The following OPRM1 variants were observed in gnomAD, a reference collection of about 807,000 sequenced individuals.
OPRM1 encodes mu-type opioid receptor.
A neutral mutation model predicts 31.8 loss-of-function variants in OPRM1; 27 were observed. The ratio of observed to expected loss-of-function variants is 0.85; its 90% CI spans 0.63 to 1.17. The LOEUF is 1.17. OPRM1 is among the 50% of genes most tolerant of loss of function. The pLI, the probability that OPRM1 is intolerant of heterozygous loss-of-function variation, is 0.00. For missense variants in OPRM1, 536 were observed against 511.1 expected (o/e 1.05, Z -0.47); for synonymous variants, 196 against 189.9 (o/e 1.03, Z -0.26).
At chr6:154,143,959 C>T (rs913701855) in intron 3 of OPRM1, among the ~76,000 whole-genome samples, 2 of 152,104 alleles carry the variant, frequency 1.3e-5, no homozygotes, top group Admixed American at 1.3e-4. Flanking sequence ...AGAAAGGACA[C>T]AAATTACCAA....
intron 3 of OPRM1, among the ~76,000 whole-genome samples, chr6:154,184,699 G>A (rs533449222): frequency 1.3e-5 from 2 of 151,956 alleles, no homozygotes; most frequent in East Asian, 3.9e-4. Context: ...ATGAATGAAT[G>A]GTAATTTTAG....
chr6:154,068,130 C>T (rs939309936), intron 1 of OPRM1, among the ~76,000 whole-genome samples: 8 of 152,100 alleles, frequency 5.3e-5, no homozygotes, highest in Admixed American at 3.3e-4. Flanking sequence ...AACAAGTAAT[C>T]GATGTAAATT....
At chr6:154,079,254 G>C (rs770925384) in intron 1 of OPRM1, among the ~76,000 whole-genome samples, 4 of 152,220 alleles carry the variant, frequency 2.6e-5, no homozygotes, top group Non-Finnish European at 5.9e-5. Flanking sequence ...GAGGGGAGTA[G>C]AAATCTGGCC....
Position 154,168,170 on chromosome 6 carries a change from A to C in OPRM1, c.1164+76698A>C. 2 of 1,348,930 alleles carry C rather than the reference A, an allele frequency of 1.5e-6. No individual in the cohort carries two copies. Among genetic ancestry groups the C allele is most frequent in the Non-Finnish European group, 2.0e-6 (2 of 987,400 alleles). The allele number at this position is 1,348,930 out of a possible 1,614,324, so 83.6% of individuals were successfully genotyped here. A position where few individuals can be genotyped will look rare whatever the true frequency, so the allele number is the denominator to read the frequency against. On this transcript the variant is annotated intron_variant, in intron 3 of 3. Transcript: ENST00000337049. The surrounding 1 kb of genome is among the most constrained non-coding windows in gnomAD (Gnocchi z 4.1). ...ATAAACCCAGTGAAAAATCAAGGAG[A>C]GAACATTCAATACTGTGGTCCCAAG...
At chr6:154,065,381 C>T (rs1177407718) in intron 1 of OPRM1, among the ~76,000 whole-genome samples, 2 of 152,124 alleles carry the variant, frequency 1.3e-5, no homozygotes, top group Non-Finnish European at 2.9e-5. Context: ...ATCTCTTGAC[C>T]TTGTGACCCA....
intron 3 of OPRM1, among the ~76,000 whole-genome samples, chr6:154,094,779 C>T (rs569504342): frequency 6.6e-6 from 1 of 152,292 alleles, no homozygotes; most frequent in East Asian, 1.9e-4. Flanking sequence ...ATCCTGCCAA[C>T]CTAGATTCAA....
intron 3 of OPRM1, among the ~76,000 whole-genome samples, chr6:154,185,533 T>C (rs1171325993): frequency 6.6e-6 from 1 of 152,216 alleles, no homozygotes; most frequent in Non-Finnish European, 1.5e-5. Context: ...ACATGCTATG[T>C]AAATAAATAT....
At position 154,124,289 on chromosome 6, in the gene OPRM1, AGGCAGATATTCAGAGAAAGATC is replaced by A. The variant is rs1264817878; in HGVS notation, c.*5569_*5590del. ...ATATGAAAAGATTATTCTAGACCTT[AGGCAGATATTCAGAGAAAGATC>A]AGTTTTCTATGGGTTTTTTCCATCA... is the stretch of plus-strand genomic sequence containing the variant. On this transcript the variant is annotated 3_prime_UTR_variant, in exon 4 of 4. Transcript: ENST00000330432. Among the ~76,000 whole-genome samples the A allele has an allele frequency of 2.6e-5, 4 of 152,236 alleles. No homozygotes were observed. The highest frequency in any genetic ancestry group is 5.9e-5 in the Non-Finnish European group (4 of 68,034).
At chr6:154,241,944 CT>C (rs368192102) in intron 3 of OPRM1, among the ~76,000 whole-genome samples, 307 of 152,268 alleles carry the variant, frequency 2.0e-3, no homozygotes, top group African/African-American at 7.2e-3. Context: ...AAGAGCCTGG[CT>C]TTGTCGTTGG....
At chr6:154,196,807 G>A (rs1283721409) in intron 3 of OPRM1, among the ~76,000 whole-genome samples, 1 of 152,164 alleles carries the variant, frequency 6.6e-6, no homozygotes, top group Non-Finnish European at 1.5e-5. Context: ...AACTCTCAGT[G>A]AAGAAAGGCA....
At chr6:154,199,696 C>G in intron 3 of OPRM1, 1 of 1,612,060 alleles carries the variant, frequency 6.2e-7, no homozygotes, top group Non-Finnish European at 8.5e-7. Context: ...ATCCAGCAGG[C>G]TTATCTGGGA....
At chr6:154,226,030 T>C (rs1421108359) in intron 3 of OPRM1, among the ~76,000 whole-genome samples, 1 of 152,216 alleles carries the variant, frequency 6.6e-6, no homozygotes, top group Non-Finnish European at 1.5e-5. Flanking sequence ...ACATTACTGC[T>C]GCTCCCCTTT....
chr6:154,060,563 T>A (rs940441040), intron 1 of OPRM1, among the ~76,000 whole-genome samples: 1 of 152,206 alleles, frequency 6.6e-6, no homozygotes, highest in African/African-American at 2.4e-5. Flanking sequence ...GAATAAGGTA[T>A]CTGCGGAGAC....
chr6:154,090,128 C>T lies in OPRM1; in HGVS notation c.593C>T (p.Ser198Leu). The T allele has an allele frequency of 6.2e-7, 1 of 1,614,000 alleles. No individual in the cohort carries two copies. Among genetic ancestry groups the T allele is most frequent in the Non-Finnish European group, 8.5e-7 (1 of 1,179,956 alleles). ...IINVCNWILS[S>L]AIGLPVMFMA... Reference sequence around the variant, plus strand: ...AATGTCTGCAACTGGATCCTCTCTTCAGCCATTGGTCTTCCTGTAATGTTC... The same window carrying T: ...AATGTCTGCAACTGGATCCTCTCTTTAGCCATTGGTCTTCCTGTAATGTTC... The change falls in exon 2 of 4, where the codon TCA becomes TTA. Residue 198 changes from serine (S) to leucine (L), a missense_variant. Physicochemically the swap from Ser to Leu is moderately radical, Grantham distance 145. Transcript: ENST00000330432.
chr6:154,236,191 A>C (rs1780116340), intron 3 of OPRM1, among the ~76,000 whole-genome samples: 1 of 152,234 alleles, frequency 6.6e-6, no homozygotes, highest in South Asian at 2.1e-4. Context: ...TGGTACACAC[A>C]TCAAGGGGAT....
intron 3 of OPRM1, among the ~76,000 whole-genome samples, chr6:154,150,719 C>T (rs1198327301): frequency 6.6e-6 from 1 of 152,280 alleles, no homozygotes; most frequent in Non-Finnish European, 1.5e-5. Context: ...CTTGTTCCTT[C>T]TCTGTCAAGA....
downstream of OPRM1, among the ~76,000 whole-genome samples, chr6:154,136,159 C>A (rs1266660343): frequency 6.6e-6 from 1 of 152,042 alleles, no homozygotes; most frequent in Non-Finnish European, 1.5e-5. Context: ...TGGGTCCTGG[C>A]CATCATAAAG....
chr6:154,099,901 T>A (rs9384178), intron 3 of OPRM1, among the ~76,000 whole-genome samples: 29 of 140,096 alleles, frequency 2.1e-4, no homozygotes, highest in African/African-American at 5.7e-4. Context: ...ATATATTATA[T>A]TATGATATAT....
At chr6:154,145,476 A>G (rs1311832393) in intron 3 of OPRM1, among the ~76,000 whole-genome samples, 5 of 152,258 alleles carry the variant, frequency 3.3e-5, no homozygotes, top group Non-Finnish European at 5.9e-5. Flanking sequence ...TAAAAACTAT[A>G]AAACACTGAT....
Sources: allele counts gnomAD v4.1 joint callset (sites outside exome capture counted in the v4.1 genomes callset), GRCh38; gene constraint gnomAD v4.1.1; non-coding constraint Gnocchi (gnomAD v3.1); transcripts MANE v1.5; gene names NCBI Gene and HGNC (gene_info 2026-07-23, HGNC 2026-07-21).